Variants in TNRC6C observed in about 807,000 individuals in gnomAD.
The protein encoded by TNRC6C is trinucleotide repeat-containing gene 6C protein.
A neutral mutation model predicts 153.7 loss-of-function variants in TNRC6C; 20 were observed. That is an observed-to-expected ratio of 0.13 (90% CI 0.09 to 0.19). The LOEUF (loss-of-function observed/expected upper bound fraction) is 0.19. Among genes scored for constraint, TNRC6C ranks in the 10% least tolerant of loss-of-function variants. TNRC6C has a pLI of 1.00. For missense variants in TNRC6C, 1,987 were observed against 2,172.0 expected, an observed-to-expected ratio of 0.91 and a Z score of 1.69; for synonymous variants, 811 against 841.4, an observed-to-expected ratio of 0.96 and a Z score of 0.63.
chr17:78,009,771 T>A (rs1277827746), intron 1 of TNRC6C, among the ~76,000 whole-genome samples: 1 of 152,220 alleles, frequency 6.6e-6, no homozygotes, highest in African/African-American at 2.4e-5. Context: ...GCCAGGATAG[T>A]CTTAATCTCC....
intron 1 of TNRC6C, among the ~76,000 whole-genome samples, chr17:78,018,515 G>C (rs928401985): frequency 1.6e-4 from 25 of 152,156 alleles, no homozygotes; most frequent in Non-Finnish European, 2.9e-5. Flanking sequence ...AATAAGGAGA[G>C]GATAGGTGGG....
chr17:78,093,854 G>A (rs1254785584), intron 16 of TNRC6C, 91 bp downstream of exon 18: 2 of 1,537,050 alleles, frequency 1.3e-6, no homozygotes, highest in East Asian at 4.6e-5. Flanking sequence ...TGTGAGGCAG[G>A]GATGATACAA....
chr17:77,990,189 T>C (rs2071228570), intron 1 of TNRC6C, among the ~76,000 whole-genome samples: 1 of 152,164 alleles, frequency 6.6e-6, no homozygotes. Context: ...CAAGCCTGCT[T>C]TGCATCCCCA....
At chr17:78,050,510 C>G in exon 3 of TNRC6C, 2 of 1,613,964 alleles carry the variant, frequency 1.2e-6, no homozygotes, top group Non-Finnish European at 1.7e-6. Context: ...GGTTGTGCAG[C>G]TACTCAGGCT....
chr17:78,010,402 A>G (rs938144774), intron 1 of TNRC6C, among the ~76,000 whole-genome samples: 2 of 152,232 alleles, frequency 1.3e-5, no homozygotes, highest in African/African-American at 2.4e-5. Context: ...GCTTAGGCTC[A>G]TTCTAAACAT....
chr17:78,001,785 G>A (rs1170110392), upstream of TNRC6C, among the ~76,000 whole-genome samples: 1 of 151,918 alleles, frequency 6.6e-6, no homozygotes, highest in African/African-American at 2.4e-5. Context: ...GGTCATGGGG[G>A]GAGGAGATAT....
intron 2 of TNRC6C, among the ~76,000 whole-genome samples, chr17:78,032,657 G>A (rs1367220557): frequency 1.3e-5 from 2 of 152,204 alleles, no homozygotes; most frequent in Non-Finnish European, 2.9e-5. Context: ...ATTAAGGTCT[G>A]TAATTAGATG....
chr17:77,993,563 G>A (rs2071284390), intron 1 of TNRC6C, among the ~76,000 whole-genome samples: 1 of 152,174 alleles, frequency 6.6e-6, no homozygotes, highest in Non-Finnish European at 1.5e-5. Context: ...GTTTGCTCCA[G>A]TAATCAGTAT....
exon 20 of TNRC6C, chr17:78,107,099 A>G (rs1432639549): frequency 2.0e-5 from 3 of 152,120 alleles, no homozygotes; most frequent in Non-Finnish European, 4.4e-5. Flanking sequence ...TATATCCAAT[A>G]TGTGTGCGTG....
chr17:78,086,956 C>A (rs746097034), exon 13 of TNRC6C: 2 of 1,613,490 alleles, frequency 1.2e-6, no homozygotes, highest in Non-Finnish European at 1.7e-6. Flanking sequence ...CCGCCCCCGC[C>A]GCACCTGTCT....
Position 78,049,148 on chromosome 17 carries a change from A to G in TNRC6C, c.86A>G (p.Gln29Arg), listed in dbSNP as rs2072466903. 1 of 1,610,540 alleles carries G rather than the reference A, an allele frequency of 6.2e-7. No homozygotes were observed. The highest frequency in any genetic ancestry group is 1.3e-5 in the African/African-American group (1 of 74,878). Residue 29 changes from glutamine (Q) to arginine (R), a missense_variant, in exon 3 of 20, where the codon CAA becomes CGA. Transcript: ENST00000301624. This position sits in a 1 kb window ranked among gnomAD's most constrained non-coding sequence, Gnocchi z 4.1. ...AATGGCACCAATGGCGCACTCGTCC[A>G]AAGCCCTTCTAATCAGAGTGCCCTT...
chr17:78,075,023 G>A lies in TNRC6C; in HGVS notation c.2918-113G>A, dbSNP rs2073060070. On this transcript the variant is annotated intron_variant, in intron 7 of 19. Coordinates refer to ENST00000301624, the Ensembl canonical transcript of TNRC6C. This position sits in a 1 kb window ranked among gnomAD's most constrained non-coding sequence, Gnocchi z 4.2. ...CTCTCTCTGCCCCTGGCTTCCCTGT[G>A]TTTGAAGGGGTGGAGGGTCTCCATC... The A allele has an allele frequency of 7.4e-7, 1 of 1,359,770 alleles. No homozygotes were observed. Among genetic ancestry groups the A allele is most frequent in the South Asian group, 1.4e-5 (1 of 71,922 alleles). 84.2% of individuals were successfully genotyped at this position (1,359,770 alleles called of 1,614,324 possible).
intron 18 of TNRC6C, chr17:78,102,914 A>T (rs972936360): frequency 4.0e-6 from 1 of 247,480 alleles, no homozygotes; most frequent in Non-Finnish European, 7.9e-6. Flanking sequence ...GAGGCCAGGG[A>T]TCACCTGAGC....
intron 5 of TNRC6C, among the ~76,000 whole-genome samples, chr17:78,069,831 CGT>C (rs144224566): frequency 1.1e-4 from 16 of 151,718 alleles, no homozygotes; most frequent in Non-Finnish European, 1.9e-4. Context: ...AGGAAGAAAA[CGT>C]GTGTGTGTGT....
chr17:78,084,178 G>C (rs1428621667), intron 11 of TNRC6C, among the ~76,000 whole-genome samples: 1 of 152,056 alleles, frequency 6.6e-6, no homozygotes, highest in Non-Finnish European at 1.5e-5. Context: ...CAGCTATTCG[G>C]GAGGCTGAGG....
intron 2 of TNRC6C, among the ~76,000 whole-genome samples, chr17:78,043,680 C>T (rs183066550): frequency 1.3e-5 from 2 of 152,078 alleles, no homozygotes. Flanking sequence ...TTTATTCTTT[C>T]TGATTATTTT....
intron 1 of TNRC6C, among the ~76,000 whole-genome samples, chr17:78,018,874 C>T (rs375458850): frequency 1.3e-5 from 2 of 151,918 alleles, no homozygotes; most frequent in East Asian, 3.9e-4. Context: ...TTCCAGAGTG[C>T]AGGAAAAGTT....
chr17:78,038,729 T>G (rs1331212000), intron 2 of TNRC6C, among the ~76,000 whole-genome samples: 1 of 146,622 alleles, frequency 6.8e-6, no homozygotes, highest in Non-Finnish European at 1.5e-5. Context: ...AAAAGATAAA[T>G]GGAAACAGCA....
chr17:77,958,197 C>T (rs1039509496), upstream of TNRC6C, among the ~76,000 whole-genome samples: 4 of 152,016 alleles, frequency 2.6e-5, no homozygotes, highest in Non-Finnish European at 5.9e-5. Flanking sequence ...CAGCATAAAG[C>T]CCGGGCGCCG....
Sources: allele counts gnomAD v4.1 joint callset (sites outside exome capture counted in the v4.1 genomes callset), GRCh38; gene constraint gnomAD v4.1.1; non-coding constraint Gnocchi (gnomAD v3.1); transcripts MANE v1.5; gene names NCBI Gene and HGNC (gene_info 2026-07-23, HGNC 2026-07-21).